Variants in ZNF860 observed in about 807,000 individuals in gnomAD.
ZNF860 encodes zinc finger protein 860.
For synonymous variants in ZNF860, 206 were observed against 248.9 expected (o/e 0.83, Z 1.62); for missense variants, 641 against 759.2 (o/e 0.84, Z 1.83).
At chr3:32,004,000 T>G in the ZNF860 span, among the ~76,000 whole-genome samples, 1 of 152,198 alleles carries the variant, frequency 6.6e-6, no homozygotes, top group Non-Finnish European at 1.5e-5. Context: ...TTGTCACTTA[T>G]AGCACAGCAG....
At chr3:31,987,125 C>G (rs1228706054) in intron 1 of ZNF860, among the ~76,000 whole-genome samples, 1 of 152,118 alleles carries the variant, frequency 6.6e-6, no homozygotes, top group Non-Finnish European at 1.5e-5. Context: ...TACACACACA[C>G]ACACACACAT....
the ZNF860 span, among the ~76,000 whole-genome samples, chr3:31,999,429 C>T: frequency 4.8e-5 from 7 of 146,528 alleles, no homozygotes; most frequent in African/African-American, 7.7e-5. Flanking sequence ...GGCACAATCT[C>T]GGCTCACCAC....
Position 31,990,145 on chromosome 3 carries a change from C to T in ZNF860, c.1066C>T (p.His356Tyr). 1 of 1,611,482 alleles carries T rather than the reference C, an allele frequency of 6.2e-7. No individual in the cohort carries two copies. Among genetic ancestry groups the T allele is most frequent in the Non-Finnish European group, 8.5e-7 (1 of 1,178,558 alleles). The change falls in exon 2 of 2, where the codon CAC becomes TAC. Residue 356 changes from histidine to tyrosine, a missense_variant. Physicochemically the swap from His to Tyr is moderately conservative, Grantham distance 83. Transcript: ENST00000360311. The part of the protein sequence containing the change: ...VCEKAFRRDS[H>Y]LTQHTRIHTG... ...TGAAAAGGCTTTCAGGCGTGATTCA[C>T]ACCTCACACAACACACTAGAATTCA...
At chr3:32,003,319 G>A in the ZNF860 span, among the ~76,000 whole-genome samples, 1 of 152,192 alleles carries the variant, frequency 6.6e-6, no homozygotes, top group African/African-American at 2.4e-5. Context: ...ATATACACAT[G>A]AAAGGCAAGT....
downstream of ZNF860, among the ~76,000 whole-genome samples, chr3:31,993,064 G>A (rs1230616955): frequency 6.6e-6 from 1 of 152,082 alleles, no homozygotes; most frequent in Non-Finnish European, 1.5e-5. Context: ...GGAAATGAAA[G>A]GTGAGCCAAA....
chr3:32,001,297 C>T, the ZNF860 span, among the ~76,000 whole-genome samples: 69 of 152,254 alleles, frequency 4.5e-4, 1 homozygote, highest in South Asian at 0.014. Context: ...CTCTATAAGG[C>T]TGGGCTCTAT....
chr3:31,987,391 A>G lies in ZNF860; in HGVS notation c.-420-1269A>G, dbSNP rs548848619. 5.7e-4 allele frequency among the ~76,000 whole-genome samples: 87 copies of G among 152,328 alleles called. 1 individual carries two copies. Among genetic ancestry groups the G allele is most frequent in the African/African-American group, 1.9e-3 (77 of 41,572 alleles). On this transcript the variant is annotated intron_variant, in intron 1 of 1. Transcript: ENST00000360311. ...AACACTCATATTTCAAGCTTTTGCT[A>G]TTGTGAGAAATGTTCTTTAAATAAC...
the ZNF860 span, among the ~76,000 whole-genome samples, chr3:32,002,830 A>G: frequency 7.6e-6 from 1 of 132,326 alleles, no homozygotes; most frequent in East Asian, 1.9e-4. Context: ...ATCTGCTTTT[A>G]TCTTTTATTC....
chr3:31,989,242 G>C lies in ZNF860; in HGVS notation c.163G>C (p.Glu55Gln). ...GGCTTTATACAGGGCCATGATGTTG[G>C]AGAACTACAGGAACCTGCATTCTGT... Reference protein sequence around the residue: ...QRALYRAMMLENYRNLHSVDI... With the variant: ...QRALYRAMMLQNYRNLHSVDI... Residue 55 changes from glutamate to glutamine, a missense_variant, in exon 2 of 2, where the codon GAG becomes CAG. Transcript: ENST00000360311. 2 of 1,614,160 alleles carry C rather than the reference G, an allele frequency of 1.2e-6. No individual in the cohort carries two copies. Among genetic ancestry groups the C allele is most frequent in the South Asian group, 2.2e-5 (2 of 91,084 alleles).
In ZNF860 at chr3:31,989,493, C is replaced by A. The variant is rs115832100; in HGVS notation, c.414C>A (p.Thr138=). ...AAATCAAAAAGTTGACTGGTAGCACCGACAGATATGATCGAAGGCATCCTG... is the reference window on the plus strand; with the variant it reads ...AAATCAAAAAGTTGACTGGTAGCACAGACAGATATGATCGAAGGCATCCTG... ...MTQIKKLTGS[T]DRYDRRHPGN... Residue 138 remains threonine, a synonymous_variant, in exon 2 of 2, where the codon ACC becomes ACA. Coordinates refer to ENST00000360311, the MANE Select transcript of ZNF860 (RefSeq NM_001137674.3). 1 of 1,614,098 alleles carries A rather than the reference C, an allele frequency of 6.2e-7. No individual in the cohort carries two copies. Among genetic ancestry groups the A allele is most frequent in the Non-Finnish European group, 8.5e-7 (1 of 1,180,014 alleles).
the ZNF860 span, among the ~76,000 whole-genome samples, chr3:32,000,538 A>G: frequency 6.6e-6 from 1 of 152,228 alleles, no homozygotes; most frequent in Non-Finnish European, 1.5e-5. Flanking sequence ...CAATGCATCT[A>G]TTTGAACCCA....
intron 1 of ZNF860, among the ~76,000 whole-genome samples, chr3:31,986,090 C>T (rs1355400740): frequency 1.3e-5 from 2 of 152,220 alleles, no homozygotes; most frequent in African/African-American, 4.8e-5. Flanking sequence ...AGCTCAGTGC[C>T]TGGAATTCCA....
At chr3:31,984,028 TTTTG>T (rs1216169427) in intron 1 of ZNF860, among the ~76,000 whole-genome samples, 2 of 148,960 alleles carry the variant, frequency 1.3e-5, no homozygotes, top group Non-Finnish European at 3.0e-5. Context: ...AAGGGGTTTT[TTTTG>T]TTTTTGTTTT....
chr3:31,989,154 T>C lies in ZNF860; in HGVS notation c.75T>C (p.Thr25=). Residue 25 remains threonine, a synonymous_variant, in exon 2 of 2, where the codon ACT becomes ACC. Coordinates refer to ENST00000360311, the MANE Select transcript of ZNF860 (RefSeq NM_001137674.3). ...TGGCTCTTCCTCAGGGACACTTGACTTTTAGGGATGTGGCTATAGAATTCT... is the reference window on the plus strand; with the variant it reads ...TGGCTCTTCCTCAGGGACACTTGACCTTTAGGGATGTGGCTATAGAATTCT... ...PGMALPQGHL[T]FRDVAIEFSL... 1.2e-6 allele frequency: 2 copies of C among 1,614,140 alleles called. No homozygotes were observed. The highest frequency in any genetic ancestry group is 1.1e-5 in the South Asian group (1 of 91,086).
In ZNF860 at chr3:31,989,813, T is replaced by C. The variant is rs574118175; in HGVS notation, c.734T>C (p.Leu245Ser). 1.2e-6 allele frequency: 2 copies of C among 1,614,160 alleles called. No homozygotes were observed. The highest frequency in any genetic ancestry group is 1.7e-5 in the Admixed American group (1 of 60,018). ...SGKAFNCSSL[L>S]RKHQIIYLGG... ...AAAGCCTTTAATTGTAGCTCACTCT[T>C]AAGGAAACATCAGATAATCTATTTA... Residue 245 changes from leucine (L) to serine (S), a missense_variant, in exon 2 of 2, where the codon TTA (leucine) becomes TCA (serine). Coordinates refer to ENST00000360311, the MANE Select transcript of ZNF860 (RefSeq NM_001137674.3).
Position 31,990,012 on chromosome 3 carries a change from G to C in ZNF860, c.933G>C (p.Glu311Asp). 6.2e-7 allele frequency: 1 copy of C among 1,614,178 alleles called. No individual in the cohort carries two copies. Among genetic ancestry groups the C allele is most frequent in the Non-Finnish European group, 8.5e-7 (1 of 1,180,014 alleles). The change falls in exon 2 of 2, where the codon GAG becomes GAC. Residue 311 changes from glutamate to aspartate, a missense_variant. Physicochemically the swap from Glu to Asp is conservative, Grantham distance 45. Coordinates refer to ENST00000360311, the MANE Select transcript of ZNF860 (RefSeq NM_001137674.3). The part of the protein sequence containing the change: ...LASHHRLHTG[E>D]KPYKCEECDK... The stretch of plus-strand genomic sequence containing the variant: ...GTCATCATAGACTTCATACTGGAGA[G>C]AAACCTTACAAATGTGAAGAATGTG...
At position 31,989,312 on chromosome 3, in the gene ZNF860, C is replaced by G. The variant is rs374760869; in HGVS notation, c.233C>G (p.Ala78Gly). Residue 78 changes from alanine (A) to glycine (G), a missense_variant, in exon 2 of 2, where the codon GCG becomes GGG. Coordinates refer to ENST00000360311, the MANE Select transcript of ZNF860 (RefSeq NM_001137674.3). ...ATGATGAAGAAGTTCTCATCAACAG[C>G]GCAAGGCAATACAGAAGTGGACACA... Reference protein sequence around the residue: ...KCMMKKFSSTAQGNTEVDTGT... With the variant: ...KCMMKKFSSTGQGNTEVDTGT... 32 of 1,614,026 alleles carry G rather than the reference C, an allele frequency of 2.0e-5. No homozygotes were observed. The African/African-American group carries it at 3.5e-4, about 17-fold the overall frequency.
the ZNF860 span, among the ~76,000 whole-genome samples, chr3:32,001,001 A>G: frequency 6.6e-6 from 1 of 152,196 alleles, no homozygotes; most frequent in African/African-American, 2.4e-5. Context: ...GTTAGCAGCC[A>G]TGTTCCTGGC....
At position 31,991,713 on chromosome 3, in the gene ZNF860, GA is replaced by G. The variant is rs1004570697; in HGVS notation, c.*745del. 2.8e-4 allele frequency: 43 copies of G among 152,442 alleles called. No homozygotes were observed. The highest frequency in any genetic ancestry group is 3.4e-3 in the Middle Eastern group (1 of 292). The allele number at this position is 152,442 out of a possible 1,614,324, so 9.4% of individuals were successfully genotyped here. ...AATACAATTTTACTTCTTTCTTTCT[GA>G]AAAAAAAAATGGATAACTAATACAG... On this transcript the variant is annotated 3_prime_UTR_variant, in exon 2 of 2. Coordinates refer to ENST00000360311, the MANE Select transcript of ZNF860 (RefSeq NM_001137674.3).
Sources: allele counts gnomAD v4.1 joint callset (sites outside exome capture counted in the v4.1 genomes callset), GRCh38; gene constraint gnomAD v4.1.1; transcripts MANE v1.5; gene names NCBI Gene and HGNC (gene_info 2026-07-23, HGNC 2026-07-21).